Variants in FAM107A observed in about 807,000 individuals in gnomAD.
The protein encoded by FAM107A is family with sequence similarity 107 member A.
FAM107A carries 19 observed loss-of-function variants against 13.7 expected under a neutral mutation model. That is an observed-to-expected ratio of 1.38 (90% CI 0.97 to 2.03). The LOEUF (loss-of-function observed/expected upper bound fraction) is 2.03, where lower values mean the gene tolerates loss of function less well. FAM107A is among the 30% of genes most tolerant of loss of function. The probability of loss-of-function intolerance (pLI) is 0.00; values close to 1 mark genes in which losing one functional copy is unlikely to be tolerated. For missense variants in FAM107A, 203 were observed against 184.4 expected (o/e 1.10, Z -0.58); for synonymous variants, 82 against 74.5 (o/e 1.10, Z -0.52).
intron 1 of FAM107A, among the ~76,000 whole-genome samples, chr3:58,623,377 C>T (rs543995404): frequency 3.3e-5 from 5 of 152,282 alleles, no homozygotes; most frequent in South Asian, 2.1e-4. Flanking sequence ...TTTTACAGAA[C>T]GAAAGCCAAG....
At chr3:58,601,072 T>C (rs2065749461) in intron 1 of FAM107A, among the ~76,000 whole-genome samples, 1 of 152,218 alleles carries the variant, frequency 6.6e-6, no homozygotes. Context: ...TGGCACATAA[T>C]TGGTACTCAA....
At chr3:58,590,851 C>T (rs1264471436), upstream of FAM107A, among the ~76,000 whole-genome samples, 2 of 152,212 alleles carry the variant, frequency 1.3e-5, no homozygotes, top group African/African-American at 4.8e-5. Flanking sequence ...TCCTTCAAGT[C>T]GTTCTCCACA....
In FAM107A at chr3:58,566,324, C is replaced by A; in HGVS notation, c.*264G>T. 1 of 432,468 alleles carries A rather than the reference C, an allele frequency of 2.3e-6. No homozygotes were observed. The allele number at this position is 432,468 out of a possible 1,614,324, so 26.8% of individuals were successfully genotyped here. A position where few individuals can be genotyped will look rare whatever the true frequency, so the allele number is the denominator to read the frequency against. ...AATTCTGCCAGAGAAAGCTCCTGTG[C>A]TGGGCTCTGAACCCCTTGCAGGGAG... On this transcript the variant is annotated 3_prime_UTR_variant, in exon 4 of 4. Coordinates refer to ENST00000360997, the MANE Select transcript of FAM107A (RefSeq NM_001076778.3).
intron 1 of FAM107A, among the ~76,000 whole-genome samples, chr3:58,576,624 C>G (rs1197009537): frequency 6.6e-6 from 1 of 152,186 alleles, no homozygotes; most frequent in African/African-American, 2.4e-5. Flanking sequence ...AGTGACACAC[C>G]CAATCCTACA....
At position 58,569,663 on chromosome 3, in the gene FAM107A, G is replaced by A. The variant is rs2063660861; in HGVS notation, c.170+28C>T. 6.3e-7 allele frequency: 1 copy of A among 1,591,010 alleles called. No homozygotes were observed. The highest frequency in any genetic ancestry group is 8.6e-7 in the Non-Finnish European group (1 of 1,168,268). On this transcript the variant is annotated intron_variant, in intron 2 of 3. Coordinates refer to ENST00000360997, the MANE Select transcript of FAM107A (RefSeq NM_001076778.3). The surrounding 1 kb of genome is among the most constrained non-coding windows in gnomAD (Gnocchi z 5.7). ...CCCCCACAGGCCCAGGTGCTTGCGG[G>A]GCCCAGGCAGCAGGGCTTCATCCCT...
chr3:58,601,015 T>A (rs912281509), intron 1 of FAM107A, among the ~76,000 whole-genome samples: 3 of 152,122 alleles, frequency 2.0e-5, no homozygotes, highest in Non-Finnish European at 2.9e-5. Context: ...AAAATAAGCA[T>A]CAAAATAGCG....
chr3:58,609,136 G>A (rs1272646633), intron 1 of FAM107A: 6 of 152,210 alleles, frequency 3.9e-5, no homozygotes, highest in African/African-American at 1.4e-4. Context: ...CAGTGCTGAG[G>A]GATGGGGTTC....
intron 1 of FAM107A, among the ~76,000 whole-genome samples, chr3:58,601,600 A>G (rs9810192): frequency 6.6e-6 from 1 of 152,108 alleles, no homozygotes; most frequent in Non-Finnish European, 1.5e-5. Context: ...GTTTCAATGA[A>G]TATCCCACAT....
At chr3:58,588,946 G>A (rs971867061), upstream of FAM107A, among the ~76,000 whole-genome samples, 4 of 152,114 alleles carry the variant, frequency 2.6e-5, no homozygotes, top group Non-Finnish European at 4.4e-5. Context: ...CACCATGCCC[G>A]GCCTCAAGTG....
intron 1 of FAM107A, among the ~76,000 whole-genome samples, chr3:58,592,115 G>A (rs996125945): frequency 9.9e-5 from 15 of 152,194 alleles, no homozygotes; most frequent in South Asian, 4.1e-4. Flanking sequence ...GAGAGTGTTC[G>A]TGGTTTGGAA....
chr3:58,576,231 C>G (rs1467919037), intron 1 of FAM107A, among the ~76,000 whole-genome samples: 8 of 152,254 alleles, frequency 5.3e-5, no homozygotes, highest in African/African-American at 1.7e-4. Context: ...TGCAATGACT[C>G]AAGGCTGACT....
upstream of FAM107A, among the ~76,000 whole-genome samples, chr3:58,578,209 G>A (rs1177628661): frequency 6.6e-6 from 1 of 152,238 alleles, no homozygotes; most frequent in Non-Finnish European, 1.5e-5. Flanking sequence ...CCAGCATGGT[G>A]CATTTTGCCT....
chr3:58,577,757 T>C, upstream of FAM107A: 1 of 984,882 alleles, frequency 1.0e-6, no homozygotes, highest in Non-Finnish European at 1.2e-6. This position sits in a 1 kb window ranked among gnomAD's most constrained non-coding sequence, Gnocchi z 4.9. Flanking sequence ...CCAAGCTTCC[T>C]GAGGCAGTGG....
At chr3:58,619,359 G>C (rs2065932195) in intron 1 of FAM107A, among the ~76,000 whole-genome samples, 1 of 152,126 alleles carries the variant, frequency 6.6e-6, no homozygotes, top group Admixed American at 6.5e-5. Flanking sequence ...TGCAGGATAG[G>C]TGGGAGAAGT....
upstream of FAM107A, among the ~76,000 whole-genome samples, chr3:58,577,931 G>A (rs1474452580): frequency 6.6e-6 from 1 of 152,200 alleles, no homozygotes; most frequent in Admixed American, 6.5e-5. The surrounding 1 kb of genome is among the most constrained non-coding windows in gnomAD (Gnocchi z 4.9). Flanking sequence ...ACTTCACAGA[G>A]GAGCCAACGG....
chr3:58,570,531 C>T (rs1402630416), intron 1 of FAM107A: 1 of 186,204 alleles, frequency 5.4e-6, no homozygotes, highest in East Asian at 2.0e-4. Context: ...ACAAGGGCTC[C>T]CTCTTCTACA....
upstream of FAM107A, among the ~76,000 whole-genome samples, chr3:58,578,478 G>C (rs2063747879): frequency 6.6e-6 from 1 of 152,090 alleles, no homozygotes; most frequent in Admixed American, 6.5e-5. Flanking sequence ...TGAGGCAGGA[G>C]AATTGCTTGA....
intron 1 of FAM107A, among the ~76,000 whole-genome samples, chr3:58,597,176 G>T (rs1219535630): frequency 1.3e-5 from 2 of 152,168 alleles, no homozygotes; most frequent in Non-Finnish European, 2.9e-5. Flanking sequence ...ATGAATTTTT[G>T]GGTCAAAATG....
chr3:58,602,590 A>G (rs1313926845), intron 1 of FAM107A, among the ~76,000 whole-genome samples: 5 of 152,202 alleles, frequency 3.3e-5, no homozygotes, highest in Non-Finnish European at 5.9e-5. Context: ...AAATTGTACT[A>G]TTTCTATACA....
Sources: allele counts gnomAD v4.1 joint callset (sites outside exome capture counted in the v4.1 genomes callset), GRCh38; gene constraint gnomAD v4.1.1; non-coding constraint Gnocchi (gnomAD v3.1); transcripts MANE v1.5; gene names NCBI Gene and HGNC (gene_info 2026-07-23, HGNC 2026-07-21).